Variants in PIK3CD observed in about 807,000 individuals in gnomAD.
PIK3CD encodes the protein phosphatidylinositol-4,5-bisphosphate 3-kinase catalytic subunit delta.
Under a neutral mutation model 122.9 loss-of-function variants are expected in PIK3CD, and 20 were observed. The ratio of observed to expected loss-of-function variants is 0.16; its 90% CI spans 0.11 to 0.24. PIK3CD has a LOEUF of 0.24. Ranked by LOEUF, PIK3CD falls within the 10% of genes least tolerant of loss-of-function variation. The pLI is 1.00. For missense variants in PIK3CD, 787 were observed against 1,406.3 expected (o/e 0.56, Z 7.04); for synonymous variants, 596 against 593.4 (o/e 1.00, Z -0.06).
the PIK3CD span, among the ~76,000 whole-genome samples, chr1:9,644,341 C>T: frequency 6.6e-6 from 1 of 151,786 alleles, no homozygotes; most frequent in African/African-American, 2.4e-5. Flanking sequence ...ATGGTGAAAC[C>T]CTGTCTCTAC....
Position 9,722,226 on chromosome 1 carries a change from C to A in PIK3CD, c.2235-18C>A. ...GGTAGAGGAGCCCCTGCTGACTGCC[C>A]GCTCTCTGGCCTGGCAGCGTGGAGC... On this transcript the variant is annotated intron_variant, in intron 17 of 23. Transcript: ENST00000377346. The surrounding 1 kb of genome is among the most constrained non-coding windows in gnomAD (Gnocchi z 7.6). 5 of 1,611,228 alleles carry A rather than the reference C, an allele frequency of 3.1e-6. No homozygotes were observed. The highest frequency in any genetic ancestry group is 1.7e-5 in the Admixed American group (1 of 59,736).
chr1:9,711,992 G>A (rs2100792187), intron 3 of PIK3CD, among the ~76,000 whole-genome samples: 1 of 151,988 alleles, frequency 6.6e-6, no homozygotes, highest in Non-Finnish European at 1.5e-5. Context: ...CACCTCCCAG[G>A]TTCACACCAT....
At chr1:9,726,888 A>G (rs1649739552) in intron 23 of PIK3CD, 21 bp from the exon 24 acceptor site, 1 of 1,613,666 alleles carries the variant, frequency 6.2e-7, no homozygotes, top group African/African-American at 1.3e-5. Context: ...TAACGTGGAC[A>G]CCGCTGTGAT....
At chr1:9,711,064 C>A (rs768166007) in intron 3 of PIK3CD, among the ~76,000 whole-genome samples, 7 of 152,066 alleles carry the variant, frequency 4.6e-5, no homozygotes, top group Non-Finnish European at 8.8e-5. Context: ...AGATTCCAGG[C>A]GTGAGCCACT....
rs1648522076 is a variant in PIK3CD, at chr1:9,720,901, G to A, written c.1681G>A (p.Val561Met). The A allele has an allele frequency of 6.3e-7, 1 of 1,590,796 alleles. No homozygotes were observed. Among genetic ancestry groups the A allele is most frequent in the African/African-American group, 1.3e-5 (1 of 74,386 alleles). Residue 561 changes from valine (V) to methionine (M), a missense_variant, in exon 13 of 24, where the codon GTG becomes ATG. Val to Met is a conservative substitution (Grantham distance 21). Coordinates refer to ENST00000377346, the MANE Select transcript of PIK3CD (RefSeq NM_005026.5). This position sits in a 1 kb window ranked among gnomAD's most constrained non-coding sequence, Gnocchi z 9.0. ...CACCAAGTGGAACAAGCATGAGGAT[G>A]TGGCCCAGGTGGGTGGGGAGGCGCA... The part of the protein sequence containing the change: ...LVTKWNKHED[V>M]AQMLYLLCSW...
At chr1:9,661,941 A>G (rs1035329034) in intron 1 of PIK3CD, among the ~76,000 whole-genome samples, 1 of 151,976 alleles carries the variant, frequency 6.6e-6, no homozygotes, top group Non-Finnish European at 1.5e-5. Flanking sequence ...GCTTGCAGTG[A>G]GCCGAGATTG....
chr1:9,649,806 C>A (rs115429908), upstream of PIK3CD, among the ~76,000 whole-genome samples: 2,319 of 152,280 alleles, frequency 0.015, 55 homozygotes, highest in African/African-American at 0.053. Flanking sequence ...TCACCCACCA[C>A]CCCCATACTC....
At chr1:9,676,505 A>G (rs867746241) in intron 1 of PIK3CD, among the ~76,000 whole-genome samples, 7 of 152,266 alleles carry the variant, frequency 4.6e-5, no homozygotes, top group Middle Eastern at 3.4e-3. Context: ...ATTCTCCCCA[A>G]TGCCAGGGGC....
intron 2 of PIK3CD, among the ~76,000 whole-genome samples, chr1:9,709,119 T>C (rs1646953137): frequency 6.6e-6 from 1 of 151,908 alleles, no homozygotes; most frequent in Admixed American, 6.6e-5. Context: ...AACCTCCAAC[T>C]CCTGGGTTCA....
chr1:9,728,221 AGT>A lies in PIK3CD; in HGVS notation c.*1179_*1180del, dbSNP rs1261472743. 5.3e-5 allele frequency: 8 copies of A among 152,280 alleles called. No individual in the cohort carries two copies. Among genetic ancestry groups the A allele is most frequent in the African/African-American group, 1.9e-4 (8 of 41,460 alleles). 9.4% of individuals were successfully genotyped at this position (152,280 alleles called of 1,614,324 possible). ...GCTGTGAGAGTGCTGAGGTACCAGA[AGT>A]GTGAGAACGAGGGGGCGTGCTGGGA... On this transcript the variant is annotated 3_prime_UTR_variant, in exon 24 of 24. Coordinates refer to ENST00000377346, the MANE Select transcript of PIK3CD (RefSeq NM_005026.5).
At chr1:9,693,656 T>C (rs1378473339) in intron 2 of PIK3CD, among the ~76,000 whole-genome samples, 1 of 148,842 alleles carries the variant, frequency 6.7e-6, no homozygotes, top group Non-Finnish European at 1.5e-5. Context: ...CCCACTAAAA[T>C]GAAAGTAAAG....
rs1303798532 is a variant in PIK3CD, at chr1:9,689,076, C to G, written c.-137-2391C>G. 1.3e-5 allele frequency among the ~76,000 whole-genome samples: 2 copies of G among 152,268 alleles called. No individual in the cohort carries two copies. Among genetic ancestry groups the G allele is most frequent in the Non-Finnish European group, 2.9e-5 (2 of 68,052 alleles). On this transcript the variant is annotated intron_variant, in intron 1 of 23. Transcript: ENST00000377346. The surrounding 1 kb of genome is among the most constrained non-coding windows in gnomAD (Gnocchi z 6.1). Reference sequence around the variant, plus strand: ...GGGCTGGCCAATTACTCGAGTGAGTCTGGCTCCGGCTCTGTGACCTGGGTC... The same window carrying G: ...GGGCTGGCCAATTACTCGAGTGAGTGTGGCTCCGGCTCTGTGACCTGGGTC...
chr1:9,724,717 G>T lies in PIK3CD; in HGVS notation c.2865-87G>T, dbSNP rs1649223638. On this transcript the variant is annotated intron_variant, in intron 22 of 23. Transcript: ENST00000377346. This position sits in a 1 kb window ranked among gnomAD's most constrained non-coding sequence, Gnocchi z 7.3. ...ATCAGGGCAAGGGCAGGTGTCCTTG[G>T]GGAAGGGGCTGGTTGGATGCAGAGC... The T allele has an allele frequency of 6.4e-7, 1 of 1,553,916 alleles. No homozygotes were observed. Among genetic ancestry groups the T allele is most frequent in the African/African-American group, 1.4e-5 (1 of 73,652 alleles).
At chr1:9,683,928 G>A (rs1004380468) in intron 1 of PIK3CD, among the ~76,000 whole-genome samples, 10 of 152,166 alleles carry the variant, frequency 6.6e-5, no homozygotes, top group Admixed American at 2.0e-4. Context: ...GCTCAGGTGG[G>A]ACTGTCAACT....
At chr1:9,721,650 A>C (rs944191543) in intron 15 of PIK3CD, 63 bp downstream of exon 15, 23 of 1,609,214 alleles carry the variant, frequency 1.4e-5, no homozygotes, top group Non-Finnish European at 1.7e-5. Context: ...CTGGAAGGCC[A>C]CTGGGGACGT....
chr1:9,658,726 C>T (rs1384027805), intron 1 of PIK3CD, among the ~76,000 whole-genome samples: 2 of 151,910 alleles, frequency 1.3e-5, no homozygotes, highest in Non-Finnish European at 2.9e-5. Context: ...GACAGGGTTT[C>T]GCCATATTGG....
At position 9,715,598 on chromosome 1, in the gene PIK3CD, G is replaced by T; in HGVS notation, c.199G>T (p.Ala67Ser). ...CTTCCACATGCTCAGTGGCCCCGAG[G>T]CCTATGTGTTCACCTGCATCAACCA... ...PLFHMLSGPE[A>S]YVFTCINQTA... is the part of the protein sequence containing the mutation. Residue 67 changes from alanine to serine, a missense_variant, in exon 4 of 24, where the codon GCC becomes TCC. By Grantham distance (99) the Ala-to-Ser change is moderately conservative. Coordinates refer to ENST00000377346, the MANE Select transcript of PIK3CD (RefSeq NM_005026.5). The surrounding 1 kb of genome is among the most constrained non-coding windows in gnomAD (Gnocchi z 4.1). The T allele has an allele frequency of 6.2e-7, 1 of 1,613,838 alleles. No individual in the cohort carries two copies.
rs1483203008 is a variant in PIK3CD, at chr1:9,652,728, G to A, written c.-138+926G>A. ...GACCTTTCGTGGGCACCAGGATGGG[G>A]GCGTTGCAGGGCGGGGAGACGGGGG... is the stretch of plus-strand genomic sequence containing the variant. On this transcript the variant is annotated intron_variant, in intron 1 of 23. Transcript: ENST00000377346. This position sits in a 1 kb window ranked among gnomAD's most constrained non-coding sequence, Gnocchi z 6.2. 1 of 152,350 alleles carries A rather than the reference G, an allele frequency of 6.6e-6. No individual in the cohort carries two copies. Among genetic ancestry groups the A allele is most frequent in the African/African-American group, 2.4e-5 (1 of 41,464 alleles). The allele number at this position is 152,350 out of a possible 1,614,324, so 9.4% of individuals were successfully genotyped here. A position where few individuals can be genotyped will look rare whatever the true frequency, so the allele number is the denominator to read the frequency against.
In PIK3CD at chr1:9,722,618, C is replaced by A; in HGVS notation, c.2426+12C>A. ...GGGCTGGACCTGAGGTGAGGACCCC[C>A]ACCCCACATCGTCCCTTGGTGTCTG... On this transcript the variant is annotated intron_variant, in intron 19 of 23. Transcript: ENST00000377346. This position sits in a 1 kb window ranked among gnomAD's most constrained non-coding sequence, Gnocchi z 7.6. 1.2e-6 allele frequency: 2 copies of A among 1,608,660 alleles called. No homozygotes were observed. Among genetic ancestry groups the A allele is most frequent in the African/African-American group, 2.7e-5 (2 of 74,900 alleles).
Sources: allele counts gnomAD v4.1 joint callset (sites outside exome capture counted in the v4.1 genomes callset), GRCh38; gene constraint gnomAD v4.1.1; non-coding constraint Gnocchi (gnomAD v3.1); transcripts MANE v1.5; gene names NCBI Gene and HGNC (gene_info 2026-07-23, HGNC 2026-07-21).